INTS7: variants seen among roughly 807,000 people sequenced by gnomAD.
The protein encoded by INTS7 is integrator complex subunit 7.
Under a neutral mutation model 109.2 loss-of-function variants are expected in INTS7, and 46 were observed. That is an observed-to-expected ratio of 0.42 (90% CI 0.33 to 0.54). INTS7 has a LOEUF of 0.54. Ranked by LOEUF, INTS7 falls within the 20% of genes least tolerant of loss-of-function variation. INTS7 has a pLI of 0.07. For missense variants in INTS7, 929 were observed against 1,132.4 expected (o/e 0.82, Z 2.58); for synonymous variants, 412 against 402.9 (o/e 1.02, Z -0.27).
chr1:212,013,183 G>A (rs1486885329), intron 4 of INTS7, among the ~76,000 whole-genome samples: 1 of 151,550 alleles, frequency 6.6e-6, no homozygotes, highest in Non-Finnish European at 1.5e-5. Flanking sequence ...CTAGGTTAAT[G>A]TATGTGTCTC....
chr1:212,011,243 G>T, intron 5 of INTS7, 132 bp downstream of exon 5: 1 of 595,348 alleles, frequency 1.7e-6, no homozygotes, highest in South Asian at 2.3e-5. Flanking sequence ...GAACAGTTTG[G>T]GCAAATAGAA....
chr1:211,978,931 CGT>C (rs757828237), intron 10 of INTS7, among the ~76,000 whole-genome samples: 3 of 151,584 alleles, frequency 2.0e-5, no homozygotes, highest in South Asian at 2.1e-4. Context: ...AATTAACATA[CGT>C]GTGTGTGTGT....
chr1:211,977,963 T>A (rs1293141422), intron 11 of INTS7, among the ~76,000 whole-genome samples: 19 of 152,218 alleles, frequency 1.2e-4, no homozygotes, highest in Admixed American at 9.8e-4. Context: ...TTTCATTCTG[T>A]CCTTTGCAAT....
chr1:211,982,632 C>A, intron 9 of INTS7, 44 bp downstream of exon 9: 1 of 1,490,838 alleles, frequency 6.7e-7, no homozygotes, highest in South Asian at 1.4e-5. Context: ...TGTCCAAGGT[C>A]TAAACCAAAG....
chr1:211,956,705 T>C (rs1373553916), intron 16 of INTS7, among the ~76,000 whole-genome samples: 1 of 152,206 alleles, frequency 6.6e-6, no homozygotes, highest in Non-Finnish European at 1.5e-5. Context: ...TTTGGCTTCT[T>C]TCACAGCATG....
intron 7 of INTS7, among the ~76,000 whole-genome samples, chr1:212,001,079 T>C (rs1221318675): frequency 6.6e-6 from 1 of 151,792 alleles, no homozygotes; most frequent in Non-Finnish European, 1.5e-5. Flanking sequence ...TTTTTTTTTT[T>C]TTTTTGAGAC....
intron 16 of INTS7, among the ~76,000 whole-genome samples, chr1:211,963,078 T>C (rs751447397): frequency 5.3e-5 from 8 of 151,160 alleles, no homozygotes; most frequent in Non-Finnish European, 7.4e-5. Context: ...AATCCAGGAG[T>C]TGGTGTTTTG....
At chr1:211,993,408 G>A (rs373791285) in intron 7 of INTS7, among the ~76,000 whole-genome samples, 21 of 152,248 alleles carry the variant, frequency 1.4e-4, no homozygotes, top group East Asian at 1.2e-3. Flanking sequence ...GGCCAGGTGC[G>A]GCAGCTCACG....
intron 16 of INTS7, among the ~76,000 whole-genome samples, chr1:211,960,586 C>T (rs547124825): frequency 6.6e-6 from 1 of 152,162 alleles, no homozygotes; most frequent in African/African-American, 2.4e-5. Context: ...AGCCAAAAGA[C>T]AAGAATAACC....
At chr1:212,009,478 G>T (rs1319744041) in intron 5 of INTS7, among the ~76,000 whole-genome samples, 1 of 152,152 alleles carries the variant, frequency 6.6e-6, no homozygotes, top group African/African-American at 2.4e-5. Context: ...TGAGGTCAGA[G>T]TATTTATTCC....
At chr1:212,000,762 A>G (rs1407176485) in intron 7 of INTS7, among the ~76,000 whole-genome samples, 1 of 152,264 alleles carries the variant, frequency 6.6e-6, no homozygotes, top group East Asian at 1.9e-4. Flanking sequence ...ACAAAACCCA[A>G]AAAAAATCCA....
intron 8 of INTS7, 33 bp downstream of exon 8, chr1:211,987,853 T>C (rs751630899): frequency 8.3e-7 from 1 of 1,208,990 alleles, no homozygotes; most frequent in East Asian, 2.4e-5. Flanking sequence ...AGTTAGCACA[T>C]TATTTATATG....
At position 212,035,338 on chromosome 1, in the gene INTS7, G is replaced by T. The variant is rs768119242; in HGVS notation, c.94+6C>A. On this transcript the variant is annotated splice_donor_region_variant and intron_variant, in intron 1 of 19. Transcript: ENST00000366994. Reference sequence around the variant, plus strand: ...TTTCACCCATTCAGCCCTCTCTTTCGAATACCTTTGTCCAATTCCATAAGG... The same window carrying T: ...TTTCACCCATTCAGCCCTCTCTTTCTAATACCTTTGTCCAATTCCATAAGG... 1 of 1,595,646 alleles carries T rather than the reference G, an allele frequency of 6.3e-7. No individual in the cohort carries two copies. Among genetic ancestry groups the T allele is most frequent in the Admixed American group, 1.7e-5 (1 of 59,976 alleles).
chr1:212,035,038 T>C (rs1177369828), intron 1 of INTS7, among the ~76,000 whole-genome samples: 1 of 152,194 alleles, frequency 6.6e-6, no homozygotes, highest in Non-Finnish European at 1.5e-5. Flanking sequence ...CTTTGCAGTG[T>C]CTCTTAGAAA....
chr1:211,979,530 T>C (rs181235070), intron 10 of INTS7, among the ~76,000 whole-genome samples: 1 of 152,284 alleles, frequency 6.6e-6, no homozygotes, highest in East Asian at 1.9e-4. Flanking sequence ...TAATAGACAT[T>C]CAAATAACAA....
intron 6 of INTS7, 48 bp downstream of exon 6, chr1:212,007,202 A>C: frequency 7.9e-7 from 1 of 1,258,932 alleles, no homozygotes; most frequent in Non-Finnish European, 1.1e-6. Context: ...CATATATTTA[A>C]TATGTAAGTT....
chr1:211,944,697 CTATT>C (rs1662777015), intron 19 of INTS7, 83 bp downstream of exon 19: 3 of 1,097,030 alleles, frequency 2.7e-6, no homozygotes, highest in Non-Finnish European at 4.1e-6. Context: ...TAACTGCAAT[CTATT>C]TAACCATGAA....
chr1:211,958,997 G>A (rs1663489203), intron 16 of INTS7, among the ~76,000 whole-genome samples: 1 of 152,164 alleles, frequency 6.6e-6, no homozygotes, highest in South Asian at 2.1e-4. Flanking sequence ...CCCTGCATGG[G>A]GATATCGCAC....
At chr1:211,948,259 T>C (rs116126467) in intron 17 of INTS7, among the ~76,000 whole-genome samples, 266 of 152,328 alleles carry the variant, frequency 1.7e-3, no homozygotes, top group African/African-American at 6.0e-3. Flanking sequence ...AACAGACTCA[T>C]AGTACAAATG....
Sources: allele counts gnomAD v4.1 joint callset (sites outside exome capture counted in the v4.1 genomes callset), GRCh38; gene constraint gnomAD v4.1.1; transcripts MANE v1.5; gene names NCBI Gene and HGNC (gene_info 2026-07-23, HGNC 2026-07-21).